Variants in GRIN2B observed in about 807,000 individuals in gnomAD.
GRIN2B encodes glutamate ionotropic receptor NMDA type subunit 2B, also known as glutamate receptor ionotropic, NMDA 2B.
A neutral mutation model predicts 114.5 loss-of-function variants in GRIN2B; 5 were observed. That is an observed-to-expected ratio of 0.04 (90% CI 0.02 to 0.09). The LOEUF is 0.09. Ranked by LOEUF, GRIN2B falls within the 10% of genes least tolerant of loss-of-function variation. The pLI is 1.00. For missense variants in GRIN2B, 1,108 were observed against 1,943.5 expected, an observed-to-expected ratio of 0.57 and a Z score of 8.08; for synonymous variants, 787 against 745.1, an observed-to-expected ratio of 1.06 and a Z score of -0.92.
At chr12:13,763,608 T>C (rs1863722453) in intron 3 of GRIN2B, among the ~76,000 whole-genome samples, 1 of 152,158 alleles carries the variant, frequency 6.6e-6, no homozygotes, top group Non-Finnish European at 1.5e-5. Flanking sequence ...TGTCAACACA[T>C]CTGTGTTGCC....
intron 3 of GRIN2B, among the ~76,000 whole-genome samples, chr12:13,794,343 A>T: frequency 6.6e-6 from 1 of 152,242 alleles, no homozygotes; most frequent in Non-Finnish European, 1.5e-5. Context: ...AACCACCTCC[A>T]TTCCTATGGC....
chr12:13,565,660 G>GCATATGAAAAGAGGT (rs1382132800), intron 13 of GRIN2B, among the ~76,000 whole-genome samples: 1 of 152,182 alleles, frequency 6.6e-6, no homozygotes, highest in African/African-American at 2.4e-5. Context: ...GCTAGGGAAA[G>GCATATGAAAAGAGGT]CATATGAAAA....
chr12:13,694,849 C>T (rs1484720867), intron 4 of GRIN2B, among the ~76,000 whole-genome samples: 6 of 151,414 alleles, frequency 4.0e-5, no homozygotes, highest in Non-Finnish European at 8.8e-5. Flanking sequence ...ATTACTTTTT[C>T]CAGGACTGGG....
chr12:13,730,918 C>T (rs568824821), intron 4 of GRIN2B, among the ~76,000 whole-genome samples: 2 of 152,134 alleles, frequency 1.3e-5, no homozygotes, highest in African/African-American at 4.8e-5. Context: ...ATGGTTATTT[C>T]TTTTGGCTTT....
chr12:13,937,514 G>GA (rs1867151594), intron 2 of GRIN2B, among the ~76,000 whole-genome samples: 1 of 151,542 alleles, frequency 6.6e-6, no homozygotes, highest in African/African-American at 2.4e-5. Flanking sequence ...AAAAAAAAGA[G>GA]AAAAAACTGT....
At chr12:13,713,284 C>G (rs1046537783) in intron 4 of GRIN2B, among the ~76,000 whole-genome samples, 1 of 151,800 alleles carries the variant, frequency 6.6e-6, no homozygotes, top group African/African-American at 2.4e-5. Flanking sequence ...TTAGCAGACA[C>G]TGATGATGTC....
intron 2 of GRIN2B, among the ~76,000 whole-genome samples, chr12:13,887,012 G>A (rs1416249881): frequency 2.0e-5 from 3 of 152,104 alleles, no homozygotes; most frequent in Non-Finnish European, 4.4e-5. Flanking sequence ...CTAACCCAAG[G>A]TTACATGGCT....
At chr12:13,844,353 A>T (rs1865434427) in intron 3 of GRIN2B, among the ~76,000 whole-genome samples, 1 of 152,148 alleles carries the variant, frequency 6.6e-6, no homozygotes, top group African/African-American at 2.4e-5. Context: ...CAACCTTTCC[A>T]ATCAATGTCT....
Position 13,541,394 on chromosome 12 carries a change from G to C in GRIN2B, c.*21389C>G, listed in dbSNP as rs1022712186. On this transcript the variant is annotated 3_prime_UTR_variant, in exon 14 of 14. Transcript: ENST00000609686. ...CAGGGGTGGGAGCCAGTCTGAAGGA[G>C]GGGAGATCTGAGGCAGGGTAAATGG... The C allele has an allele frequency of 1.3e-5, 2 of 152,202 alleles. No homozygotes were observed. The highest frequency in any genetic ancestry group is 1.3e-4 in the Admixed American group (2 of 15,286). The allele number at this position is 152,202 out of a possible 1,614,324, so 9.4% of individuals were successfully genotyped here. A position where few individuals can be genotyped will look rare whatever the true frequency, so the allele number is the denominator to read the frequency against.
intron 3 of GRIN2B, among the ~76,000 whole-genome samples, chr12:13,816,895 A>C (rs1460980027): frequency 6.6e-6 from 1 of 152,158 alleles, no homozygotes; most frequent in African/African-American, 2.4e-5. Flanking sequence ...AAAACCCTAC[A>C]CTTGAAATTG....
chr12:13,916,738 T>TGTGC (rs1866736346), intron 2 of GRIN2B, among the ~76,000 whole-genome samples: 1 of 15,946 alleles, frequency 6.3e-5, no homozygotes, highest in East Asian at 1.2e-3. Flanking sequence ...CACACACATT[T>TGTGC]GTGTGTGTGT....
At chr12:13,892,400 A>T (rs571146148) in intron 2 of GRIN2B, among the ~76,000 whole-genome samples, 33 of 152,264 alleles carry the variant, frequency 2.2e-4, no homozygotes, top group Non-Finnish European at 2.9e-4. Flanking sequence ...ATATTATTTT[A>T]AAAAAACTAT....
chr12:13,767,952 T>A lies in GRIN2B; in HGVS notation c.412-14037A>T, dbSNP rs529570803. On this transcript the variant is annotated intron_variant, in intron 3 of 13. Transcript: ENST00000609686. ...TTAATTCTCTCAACTTCTTAATCCT[T>A]TCCTAATGTAAGGGAGAATAACCTC... 2.0e-4 allele frequency among the ~76,000 whole-genome samples: 30 copies of A among 152,264 alleles called. No homozygotes were observed. In the South Asian group the frequency reaches 5.0e-3, roughly 25 times the overall value.
chr12:13,868,628 G>A (rs1408100792), intron 2 of GRIN2B, among the ~76,000 whole-genome samples: 1 of 152,180 alleles, frequency 6.6e-6, no homozygotes, highest in East Asian at 1.9e-4. Flanking sequence ...GGCCCACTCT[G>A]CCGTGACAGT....
At chr12:13,881,226 T>C (rs1231670424) in intron 2 of GRIN2B, among the ~76,000 whole-genome samples, 1 of 152,184 alleles carries the variant, frequency 6.6e-6, no homozygotes, top group Non-Finnish European at 1.5e-5. Flanking sequence ...GTTCTAATTT[T>C]CCCTGGTTGT....
chr12:13,943,065 G>C (rs1270535305), intron 2 of GRIN2B, among the ~76,000 whole-genome samples: 2 of 151,992 alleles, frequency 1.3e-5, no homozygotes, highest in Admixed American at 6.6e-5. Context: ...AGGGAATTAG[G>C]GGACCTGACT....
At chr12:13,805,235 G>A (rs965123170) in intron 3 of GRIN2B, among the ~76,000 whole-genome samples, 3 of 152,122 alleles carry the variant, frequency 2.0e-5, no homozygotes, top group East Asian at 1.9e-4. Flanking sequence ...GACTCACTGA[G>A]GTTAAAGACA....
chr12:13,839,144 A>G (rs1192546295), intron 3 of GRIN2B, among the ~76,000 whole-genome samples: 1 of 152,256 alleles, frequency 6.6e-6, no homozygotes, highest in African/African-American at 2.4e-5. Context: ...TGTGAAGCAT[A>G]CATGTGCAGA....
intron 2 of GRIN2B, among the ~76,000 whole-genome samples, chr12:13,916,566 C>T (rs1002496947): frequency 2.6e-5 from 4 of 152,012 alleles, no homozygotes; most frequent in African/African-American, 9.7e-5. Context: ...AAATATCTAT[C>T]GGCCAGGCGT....
Sources: gnomAD v4.1 joint callset for allele counts (sites outside exome capture counted in the v4.1 genomes callset) on GRCh38, gnomAD v4.1.1 for gene constraint, MANE v1.5 for transcripts, NCBI Gene and HGNC (gene_info 2026-07-23, HGNC 2026-07-21) for gene names.